TNFAIP8: variants seen among roughly 807,000 people sequenced by gnomAD.
TNFAIP8 encodes tumor necrosis factor alpha-induced protein 8.
In TNFAIP8, 7 loss-of-function variants were observed where a neutral mutation model predicts 13.3. That is an observed-to-expected ratio of 0.52 (90% CI 0.30 to 0.99). The LOEUF (loss-of-function observed/expected upper bound fraction) is 0.99, where lower values mean the gene tolerates loss of function less well. Among genes scored for constraint, TNFAIP8 ranks in the 50% least tolerant of loss-of-function variants. The probability of loss-of-function intolerance (pLI) is 0.07; values close to 1 mark genes in which losing one functional copy is unlikely to be tolerated. For missense variants in TNFAIP8, 258 were observed against 236.9 expected (o/e 1.09, Z -0.58); for synonymous variants, 94 against 87.6 (o/e 1.07, Z -0.41).
intron 1 of TNFAIP8, among the ~76,000 whole-genome samples, chr5:119,327,685 C>T (rs1046734517): frequency 6.6e-6 from 1 of 152,264 alleles, no homozygotes; most frequent in Middle Eastern, 3.4e-3. Flanking sequence ...TCTCGAACTC[C>T]TGACCTCAGG....
chr5:119,362,543 T>TA (rs1219808073), intron 1 of TNFAIP8, among the ~76,000 whole-genome samples: 1 of 152,078 alleles, frequency 6.6e-6, no homozygotes, highest in African/African-American at 2.4e-5. Context: ...CACCTGTAAT[T>TA]ACAGCACTTT....
chr5:119,363,861 C>T (rs1287714470), intron 1 of TNFAIP8, among the ~76,000 whole-genome samples: 1 of 152,204 alleles, frequency 6.6e-6, no homozygotes, highest in Non-Finnish European at 1.5e-5. Flanking sequence ...TTTTGACCAA[C>T]TGGGTATAAA....
Position 119,369,055 on chromosome 5 carries a change from C to CTTT in TNFAIP8, c.31+12948_31+12950dup, listed in dbSNP as rs61101551. The stretch of plus-strand genomic sequence containing the variant: ...GCCAAACTTTCTTTTCTTTTCTTTT[C>CTTT]TTTTTTTTTTTTTTTTGAGAGGGAA... On this transcript the variant is annotated intron_variant, in intron 1 of 1. Coordinates refer to ENST00000504771, the MANE Select transcript of TNFAIP8 (RefSeq NM_014350.4). Among the ~76,000 whole-genome samples the CTTT allele has an allele frequency of 7.6e-4, 80 of 105,002 alleles. 1 individual carries two copies. Among genetic ancestry groups the CTTT allele is most frequent in the African/African-American group, 4.7e-3 (80 of 17,084 alleles). 68.9% of individuals were successfully genotyped at this position (105,002 alleles called of 152,430 possible).
intron 1 of TNFAIP8, among the ~76,000 whole-genome samples, chr5:119,297,788 T>A (rs1161163250): frequency 6.6e-6 from 1 of 152,234 alleles, no homozygotes; most frequent in East Asian, 1.9e-4. Flanking sequence ...ATGTGGGTGC[T>A]CCTGTATTGG....
intron 1 of TNFAIP8, among the ~76,000 whole-genome samples, chr5:119,287,207 CACTT>C (rs1748824741): frequency 6.6e-6 from 1 of 150,820 alleles, no homozygotes; most frequent in Non-Finnish European, 1.5e-5. Context: ...TTGATTCTAT[CACTT>C]ACAGCATTCC....
In TNFAIP8 at chr5:119,374,384, C is replaced by G. The variant is rs115156667; in HGVS notation, c.31+18263C>G. On this transcript the variant is annotated intron_variant, in intron 1 of 1. Coordinates refer to ENST00000504771, the MANE Select transcript of TNFAIP8 (RefSeq NM_014350.4). ...TAAATTTGAGATGCTCAACCTGTAC[C>G]GATAGTAAATAGAAAACAAGGCAAG... is the stretch of plus-strand genomic sequence containing the variant. 2.6e-5 allele frequency among the ~76,000 whole-genome samples: 4 copies of G among 152,088 alleles called. No homozygotes were observed. The East Asian group carries it at 7.7e-4, about 29-fold the overall frequency.
Position 119,399,484 on chromosome 5 carries a change from A to G in TNFAIP8, c.*6103A>G, listed in dbSNP as rs1490060489. ...TTCACTATTTCCAAATCAGCGATGA[A>G]AAGAAGACTGAGTCTAAAATAAATG... On this transcript the variant is annotated 3_prime_UTR_variant, in exon 2 of 2. Transcript: ENST00000504771. 1 of 152,202 alleles carries G rather than the reference A, an allele frequency of 6.6e-6. No individual in the cohort carries two copies. The allele number at this position is 152,202 out of a possible 1,614,324, so 9.4% of individuals were successfully genotyped here.
At chr5:119,284,323 T>A (rs1269874486) in intron 1 of TNFAIP8, among the ~76,000 whole-genome samples, 1 of 151,982 alleles carries the variant, frequency 6.6e-6, no homozygotes, top group Non-Finnish European at 1.5e-5. Flanking sequence ...AGGATGGAGA[T>A]CTTGAATATT....
chr5:119,278,932 A>G (rs1311246662), intron 1 of TNFAIP8, among the ~76,000 whole-genome samples: 1 of 152,204 alleles, frequency 6.6e-6, no homozygotes, highest in Non-Finnish European at 1.5e-5. Flanking sequence ...GGTTTATAAA[A>G]TAGCACTACT....
intron 1 of TNFAIP8, among the ~76,000 whole-genome samples, chr5:119,315,138 A>G (rs1561997063): frequency 1.3e-5 from 2 of 152,190 alleles, no homozygotes; most frequent in Admixed American, 1.3e-4. Flanking sequence ...GCTGGAGTGC[A>G]GTGGTGCGAT....
chr5:119,388,288 T>C (rs1752754716), intron 1 of TNFAIP8, among the ~76,000 whole-genome samples: 1 of 152,234 alleles, frequency 6.6e-6, no homozygotes, highest in Non-Finnish European at 1.5e-5. Context: ...AAAAACCACA[T>C]GTTTAGTGAG....
rs1753026818 is a variant in TNFAIP8 at position 119,394,611 on chromosome 5, A to ATTTGTTTTTTTTTTTT, written c.*1233_*1234insGTTTTTTTTTTTTTTT. 8.7e-6 allele frequency: 1 copy of ATTTGTTTTTTTTTTTT among 114,710 alleles called. No individual in the cohort carries two copies. Among genetic ancestry groups the ATTTGTTTTTTTTTTTT allele is most frequent in the African/African-American group, 4.0e-5 (1 of 24,756 alleles). The allele number at this position is 114,710 out of a possible 1,614,324, so 7.1% of individuals were successfully genotyped here. On this transcript the variant is annotated 3_prime_UTR_variant, in exon 2 of 2. Transcript: ENST00000504771. ...CATTTCCATTGTCACTGTGTCTATG[A>ATTTGTTTTTTTTTTTT]TTTTTTTTTTTTTTTTTTTGAGTCT... is the stretch of plus-strand genomic sequence containing the variant.
intron 1 of TNFAIP8, among the ~76,000 whole-genome samples, chr5:119,273,542 T>C (rs1748353490): frequency 6.6e-6 from 1 of 152,178 alleles, no homozygotes; most frequent in South Asian, 2.1e-4. Context: ...CATTCGAGTT[T>C]TATGTGCCTG....
chr5:119,329,090 C>T (rs960607523), intron 1 of TNFAIP8, among the ~76,000 whole-genome samples: 1 of 152,202 alleles, frequency 6.6e-6, no homozygotes, highest in Admixed American at 6.5e-5. Flanking sequence ...CAGCGAGTGC[C>T]GCAGCTGTGC....
intron 1 of TNFAIP8, among the ~76,000 whole-genome samples, chr5:119,304,289 C>G (rs985167336): frequency 5.3e-5 from 8 of 151,972 alleles, no homozygotes; most frequent in African/African-American, 1.9e-4. Context: ...GCCTGAAATT[C>G]TTAAAAGTGC....
chr5:119,369,361 T>C (rs987356807), intron 1 of TNFAIP8, among the ~76,000 whole-genome samples: 2 of 152,176 alleles, frequency 1.3e-5, no homozygotes, highest in African/African-American at 4.8e-5. Flanking sequence ...GCCCAAACTT[T>C]CATTGAGTTA....
At chr5:119,297,036 G>T (rs534524209) in intron 1 of TNFAIP8, among the ~76,000 whole-genome samples, 2 of 151,980 alleles carry the variant, frequency 1.3e-5, no homozygotes, top group African/African-American at 4.8e-5. Context: ...TATTAGTCTT[G>T]CTAGCAGTCT....
At chr5:119,370,348 C>T (rs1752026076) in intron 1 of TNFAIP8, among the ~76,000 whole-genome samples, 1 of 152,200 alleles carries the variant, frequency 6.6e-6, no homozygotes, top group African/African-American at 2.4e-5. Context: ...ACACATAAAA[C>T]TCTTTAAGTT....
chr5:119,340,348 C>T (rs17450512), intron 1 of TNFAIP8, among the ~76,000 whole-genome samples: 6,921 of 152,294 alleles, frequency 0.045, 185 homozygotes, highest in Middle Eastern at 0.078. Flanking sequence ...CCATGTGGGT[C>T]ACAGAAATTC....
Sources: allele counts gnomAD v4.1 joint callset (sites outside exome capture counted in the v4.1 genomes callset), GRCh38; gene constraint gnomAD v4.1.1; transcripts MANE v1.5; gene names NCBI Gene and HGNC (gene_info 2026-07-23, HGNC 2026-07-21).